The following DMD variants were observed in gnomAD, a reference collection of about 807,000 sequenced individuals.
DMD encodes the protein dystrophin, also known as mutant dystrophin.
Under a neutral mutation model 330.1 loss-of-function variants are expected in DMD, and 63 were observed. The observed-to-expected ratio is 0.19, with a 90% CI of 0.16 to 0.24. The LOEUF (loss-of-function observed/expected upper bound fraction) is 0.24, where lower values mean the gene tolerates loss of function less well. DMD is among the 10% of genes least tolerant of loss of function. The probability of loss-of-function intolerance (pLI) is 1.00; values close to 1 mark genes in which losing one functional copy is unlikely to be tolerated. For synonymous variants in DMD, 1,223 were observed against 959.8 expected (o/e 1.27, Z -5.07); for missense variants, 3,344 against 2,684.1 (o/e 1.25, Z -5.43).
At chrX:31,635,235 G>C (rs1057319261) in intron 54 of DMD, among the ~76,000 whole-genome samples, 2 of 112,050 alleles carry the variant, frequency 1.8e-5, no homozygotes, top group African/African-American at 6.5e-5. Context: ...TCAATGATTT[G>C]TATAATGCGA....
intron 43 of DMD, among the ~76,000 whole-genome samples, chrX:32,274,495 T>G (rs2097377786): frequency 1.8e-5 from 2 of 112,259 alleles, no homozygotes; most frequent in South Asian, 7.4e-4. Flanking sequence ...GCGGTGATCA[T>G]AAAAAGCAAA....
intron 11 of DMD, among the ~76,000 whole-genome samples, chrX:32,628,563 T>G (rs1602305576): frequency 9.1e-6 from 1 of 109,962 alleles, no homozygotes; most frequent in Non-Finnish European, 1.9e-5. Flanking sequence ...ATACTAATTT[T>G]GGGTTTGGTT....
At chrX:32,519,522 C>A (rs2046222030) in intron 17 of DMD, among the ~76,000 whole-genome samples, 1 of 111,122 alleles carries the variant, frequency 9.0e-6, no homozygotes, top group Non-Finnish European at 1.9e-5. Context: ...AACATATCAG[C>A]AGTGTGTAAA....
chrX:32,926,533 T>G, intron 2 of DMD, among the ~76,000 whole-genome samples: 1 of 111,123 alleles, frequency 9.0e-6, no homozygotes, highest in East Asian at 2.9e-4. Context: ...GCGGATTGCC[T>G]GAGCTCAGGA....
intron 2 of DMD, among the ~76,000 whole-genome samples, chrX:32,993,134 A>T (rs1204453957): frequency 9.0e-6 from 1 of 111,516 alleles, no homozygotes; most frequent in African/African-American, 3.3e-5. Flanking sequence ...TGACACAATT[A>T]TAAAACCAAG....
chrX:33,159,858 A>T (rs1007789356), intron 1 of DMD, among the ~76,000 whole-genome samples: 3 of 111,239 alleles, frequency 2.7e-5, no homozygotes, highest in Non-Finnish European at 5.6e-5. Flanking sequence ...GAGGAATTGC[A>T]TACCTCAATT....
chrX:31,945,176 C>A (rs1230454728), intron 45 of DMD, among the ~76,000 whole-genome samples: 3 of 111,989 alleles, frequency 2.7e-5, no homozygotes, highest in African/African-American at 9.7e-5. Flanking sequence ...GATTATATTT[C>A]ACTGAGGCAA....
At chrX:32,421,215 C>T (rs1371212184) in intron 29 of DMD, among the ~76,000 whole-genome samples, 1 of 112,411 alleles carries the variant, frequency 8.9e-6, no homozygotes, top group Non-Finnish European at 1.9e-5. Flanking sequence ...TGTCATCTTA[C>T]TTATCCACAC....
chrX:32,355,992 T>C (rs186388536), intron 37 of DMD, among the ~76,000 whole-genome samples: 15 of 110,662 alleles, frequency 1.4e-4, no homozygotes, highest in African/African-American at 4.6e-4. Flanking sequence ...TTTTCCATCA[T>C]AGGTGTTAAG....
chrX:32,103,485 A>T (rs1390077852), intron 44 of DMD, among the ~76,000 whole-genome samples: 1 of 111,830 alleles, frequency 8.9e-6, no homozygotes, highest in Non-Finnish European at 1.9e-5. Context: ...CCTTCTGATG[A>T]CATTTCAATT....
At chrX:32,040,979 T>C (rs1442624100) in intron 44 of DMD, among the ~76,000 whole-genome samples, 1 of 111,147 alleles carries the variant, frequency 9.0e-6, no homozygotes, top group East Asian at 2.9e-4. Context: ...ACGTGCTTCA[T>C]GAACACTTGG....
At chrX:31,449,763 G>GAGATAT (rs1491251038) in intron 59 of DMD, among the ~76,000 whole-genome samples, 14 of 62,460 alleles carry the variant, frequency 2.2e-4, no homozygotes, top group African/African-American at 7.0e-4. Context: ...TAAATGGTGT[G>GAGATAT]ATATATATAT....
At chrX:31,842,766 C>T (rs942986682) in intron 48 of DMD, among the ~76,000 whole-genome samples, 1 of 111,536 alleles carries the variant, frequency 9.0e-6, no homozygotes, top group African/African-American at 3.3e-5. Context: ...AGGTTTGTTA[C>T]ATTTATATAT....
In DMD at chrX:32,411,804, G is replaced by T; in HGVS notation, c.4181C>A (p.Ala1394Glu). 1 of 1,211,269 alleles carries T rather than the reference G, an allele frequency of 8.3e-7. No individual in the cohort carries two copies. The highest frequency in any genetic ancestry group is 1.1e-6 in the Non-Finnish European group (1 of 895,205). ...GTCCACCTTGTCTGCAATATAAGCT[G>T]CCAACTGCTTGTCAATGAATGTGAG... is the stretch of plus-strand genomic sequence containing the variant. ...ESLTFIDKQL[A>E]AYIADKVDAA... Residue 1394 changes from alanine to glutamate, a missense_variant, in exon 30 of 79, where the codon GCA becomes GAA. By Grantham distance (107) the Ala-to-Glu change is moderately radical. Coordinates refer to ENST00000357033, the MANE Select transcript of DMD (RefSeq NM_004006.3).
intron 44 of DMD, among the ~76,000 whole-genome samples, chrX:32,032,675 C>T (rs1230232429): frequency 1.8e-5 from 2 of 111,965 alleles, no homozygotes; most frequent in African/African-American, 3.2e-5. Context: ...TGCCCTTGGG[C>T]CCCATGCTTT....
intron 11 of DMD, among the ~76,000 whole-genome samples, chrX:32,626,724 T>C (rs1179992912): frequency 2.9e-5 from 3 of 104,177 alleles, no homozygotes; most frequent in Non-Finnish European, 5.7e-5. Flanking sequence ...AATGAGCTGA[T>C]GGGTGCAGCA....
intron 2 of DMD, among the ~76,000 whole-genome samples, chrX:32,858,674 C>A (rs1157365606): frequency 9.0e-6 from 1 of 111,094 alleles, no homozygotes; most frequent in Non-Finnish European, 1.9e-5. Flanking sequence ...ATCTCCCCCA[C>A]CCCCGTTCCC....
At chrX:32,782,542 C>G (rs749268089) in intron 7 of DMD, among the ~76,000 whole-genome samples, 45 of 111,075 alleles carry the variant, frequency 4.1e-4, no homozygotes, top group Non-Finnish European at 6.8e-4. Flanking sequence ...TAGGGCCAGT[C>G]ATTGTCAAGT....
chrX:32,874,052 C>A (rs950432717), intron 2 of DMD, among the ~76,000 whole-genome samples: 1 of 112,003 alleles, frequency 8.9e-6, no homozygotes, highest in African/African-American at 3.3e-5. Flanking sequence ...TCAACTGGTG[C>A]TCCTAGATTG....
Sources: allele counts gnomAD v4.1 joint callset (sites outside exome capture counted in the v4.1 genomes callset), GRCh38; gene constraint gnomAD v4.1.1; transcripts MANE v1.5; gene names NCBI Gene and HGNC (gene_info 2026-07-23, HGNC 2026-07-21).